ERCC4: variants seen among roughly 807,000 people sequenced by gnomAD.
The protein encoded by ERCC4 is DNA repair endonuclease XPF.
Under a neutral mutation model 76.9 loss-of-function variants are expected in ERCC4, and 65 were observed. The observed-to-expected ratio is 0.84, with a 90% CI of 0.69 to 1.04. The LOEUF (loss-of-function observed/expected upper bound fraction) is 1.04, where lower values mean the gene tolerates loss of function less well. Ranked by LOEUF, ERCC4 falls within the 50% of genes least tolerant of loss-of-function variation. ERCC4 has a pLI of 0.00. For missense variants in ERCC4, 1,214 were observed against 1,128.2 expected (o/e 1.08, Z -1.09); for synonymous variants, 463 against 410.1 (o/e 1.13, Z -1.56).
At chr16:13,921,198 G>C (rs1361339470) in intron 1 of ERCC4, among the ~76,000 whole-genome samples, 1 of 152,134 alleles carries the variant, frequency 6.6e-6, no homozygotes, top group Non-Finnish European at 1.5e-5. Context: ...GGAGGGACCA[G>C]GAAATAGGAC....
chr16:13,926,453 T>G (rs1236080680), intron 2 of ERCC4, 108 bp from the exon 3 acceptor site: 3 of 938,942 alleles, frequency 3.2e-6, no homozygotes, highest in Non-Finnish European at 5.3e-6. Flanking sequence ...ATATGCCCAG[T>G]CTAGAATGGT....
chr16:13,934,406 G>A, intron 7 of ERCC4, 104 bp downstream of exon 7: 1 of 778,582 alleles, frequency 1.3e-6, no homozygotes. Flanking sequence ...GACCAACATG[G>A]TGAAACCCTG....
intron 10 of ERCC4, 45 bp downstream of exon 10, chr16:13,944,880 G>C: frequency 8.1e-7 from 1 of 1,238,002 alleles, no homozygotes; most frequent in Non-Finnish European, 1.2e-6. Flanking sequence ...CTGCAAAGGG[G>C]GCTGTGAAGT....
In ERCC4 at chr16:13,922,072, C is replaced by T. The variant is rs1328502188; in HGVS notation, c.249C>T (p.His83=). The T allele has an allele frequency of 5.0e-6, 8 of 1,613,600 alleles. No individual in the cohort carries two copies. Among genetic ancestry groups the T allele is most frequent in the Non-Finnish European group, 6.8e-6 (8 of 1,179,692 alleles). The change falls in exon 2 of 11, where the codon CAC becomes CAT. Residue 83 remains histidine, a synonymous_variant. Transcript: ENST00000311895. ...INQLKIEGVE[H]LPRRVTNEIT... ...AGCTGAAGATAGAAGGAGTTGAACACCTCCCTCGCCGTGTAACAAATGAAA... is the reference window on the plus strand; with the variant it reads ...AGCTGAAGATAGAAGGAGTTGAACATCTCCCTCGCCGTGTAACAAATGAAA...
At chr16:13,921,857 C>T (rs774963865) in intron 1 of ERCC4, among the ~76,000 whole-genome samples, 174 bp from the exon 2 acceptor site, 2 of 152,034 alleles carry the variant, frequency 1.3e-5, no homozygotes, top group Non-Finnish European at 2.9e-5. Context: ...ACAAGAAAAC[C>T]TCATTAAATG....
In ERCC4 at chr16:13,947,901, C is replaced by T. The variant is rs373135011; in HGVS notation, c.2305C>T (p.Leu769Phe). 1 of 1,614,200 alleles carries T rather than the reference C, an allele frequency of 6.2e-7. No individual in the cohort carries two copies. Among genetic ancestry groups the T allele is most frequent in the Non-Finnish European group, 8.5e-7 (1 of 1,180,040 alleles). ...IEFDPSKPFSLTSRGALFQEI... is the reference protein window; with the variant it reads ...IEFDPSKPFSFTSRGALFQEI... The stretch of plus-strand genomic sequence containing the variant: ...GTTTGACCCTAGCAAGCCTTTCTCT[C>T]TCACTTCCCGAGGTGCCTTGTTTCA... Residue 769 changes from leucine to phenylalanine, a missense_variant, in exon 11 of 11, where the codon CTC (leucine) becomes TTC (phenylalanine). Physicochemically the swap from Leu to Phe is conservative, Grantham distance 22 (BLOSUM62 0). Coordinates refer to ENST00000311895, the MANE Select transcript of ERCC4 (RefSeq NM_005236.3).
chr16:13,926,789 ATTAT>A (rs2032081609), intron 3 of ERCC4, 33 bp downstream of exon 3: 12 of 1,489,796 alleles, frequency 8.1e-6, no homozygotes, highest in Non-Finnish European at 1.1e-5. Context: ...TAATGATGAC[ATTAT>A]TTGTCATCTT....
chr16:13,932,558 A>T, intron 6 of ERCC4: 1 of 548,078 alleles, frequency 1.8e-6, no homozygotes, highest in Non-Finnish European at 3.2e-6. Flanking sequence ...GATCAAAAGT[A>T]TGCTACATGA....
At chr16:13,942,829 G>A (rs1346820559) in intron 9 of ERCC4, among the ~76,000 whole-genome samples, 2 of 152,164 alleles carry the variant, frequency 1.3e-5, no homozygotes, top group Non-Finnish European at 2.9e-5. Context: ...AAACAAAGTG[G>A]GGGACACAAC....
At chr16:13,921,045 C>A (rs763485692) in intron 1 of ERCC4, among the ~76,000 whole-genome samples, 1 of 152,006 alleles carries the variant, frequency 6.6e-6, no homozygotes, top group Admixed American at 6.5e-5. Flanking sequence ...CGGGAGAGTC[C>A]TGAAGTTGGC....
Position 13,932,153 on chromosome 16 carries a change from T to C in ERCC4, c.974-4T>C, listed in dbSNP as rs771718600. 15 of 1,612,686 alleles carry C rather than the reference T, an allele frequency of 9.3e-6. No homozygotes were observed. In the East Asian group the frequency reaches 3.3e-4, roughly 36 times the overall value. ...GCACTTTTTCTTTTAACTTTTCGTA[T>C]TAGGTTGGCTGTTTCTTGACTCCAG... On this transcript the variant is annotated splice_region_variant and splice_polypyrimidine_tract_variant and intron_variant, in intron 5 of 10. Coordinates refer to ENST00000311895, the MANE Select transcript of ERCC4 (RefSeq NM_005236.3).
At chr16:13,930,998 T>C in intron 5 of ERCC4, 108 bp downstream of exon 5, 2 of 752,928 alleles carry the variant, frequency 2.7e-6, no homozygotes, top group South Asian at 3.0e-5. Flanking sequence ...TATGTTATAC[T>C]GAGATTTCAA....
intron 9 of ERCC4, among the ~76,000 whole-genome samples, chr16:13,940,041 C>T (rs534824148): frequency 4.9e-4 from 74 of 152,330 alleles, no homozygotes; most frequent in Non-Finnish European, 8.8e-4. Flanking sequence ...CTAGAACTCA[C>T]ATGAGTCAGA....
Position 13,935,426 on chromosome 16 carries a change from A to G in ERCC4, c.1494A>G (p.Val498=). 1 of 1,613,888 alleles carries G rather than the reference A, an allele frequency of 6.2e-7. No individual in the cohort carries two copies. ...GGAAGTTGACCTTAACTCAAATGGT[A>G]GGAAAACCTGAAGAACTGGAAGAGG... ...KKRKLTLTQM[V]GKPEELEEEG... The change falls in exon 8 of 11, where the codon GTA becomes GTG. Residue 498 remains valine, a synonymous_variant. Coordinates refer to ENST00000311895, the MANE Select transcript of ERCC4 (RefSeq NM_005236.3).
At chr16:13,925,962 A>G (rs1167162738) in intron 2 of ERCC4, among the ~76,000 whole-genome samples, 1 of 152,170 alleles carries the variant, frequency 6.6e-6, no homozygotes, top group Non-Finnish European at 1.5e-5. Context: ...ATGTATAAGT[A>G]TGTCGATTGA....
At chr16:13,944,931 C>A in intron 10 of ERCC4, 96 bp downstream of exon 10, 1 of 794,464 alleles carries the variant, frequency 1.3e-6, no homozygotes, top group Non-Finnish European at 2.2e-6. Flanking sequence ...TATTAACAAA[C>A]TCTTAAAAAT....
rs2032576865 is a variant in ERCC4, at chr16:13,948,878, G to A, written c.*531G>A. On this transcript the variant is annotated 3_prime_UTR_variant, in exon 11 of 11. Transcript: ENST00000311895. ...GACGCTTGAACTGATGTTTGTGTAGGAAATCATGTTCTGACCCTTTGTCTA... is the reference window on the plus strand; with the variant it reads ...GACGCTTGAACTGATGTTTGTGTAGAAAATCATGTTCTGACCCTTTGTCTA... The A allele has an allele frequency of 4.3e-6, 1 of 232,456 alleles. No individual in the cohort carries two copies. The highest frequency in any genetic ancestry group is 8.5e-6 in the Non-Finnish European group (1 of 117,670). 14.4% of individuals were successfully genotyped at this position (232,456 alleles called of 1,614,324 possible).
At chr16:13,938,433 G>A (rs544997955) in intron 9 of ERCC4, among the ~76,000 whole-genome samples, 14 of 152,296 alleles carry the variant, frequency 9.2e-5, no homozygotes, top group African/African-American at 2.4e-4. Context: ...TCCATTTTAC[G>A]AAAGGAAAAT....
chr16:13,927,821 AC>A (rs1374916568), intron 3 of ERCC4, among the ~76,000 whole-genome samples: 1 of 152,118 alleles, frequency 6.6e-6, no homozygotes, highest in Admixed American at 6.5e-5. Flanking sequence ...TAGTTTGCTG[AC>A]CCTTTCCTTA....
Sources: allele counts gnomAD v4.1 joint callset (sites outside exome capture counted in the v4.1 genomes callset), GRCh38; gene constraint gnomAD v4.1.1; transcripts MANE v1.5; gene names NCBI Gene and HGNC (gene_info 2026-07-23, HGNC 2026-07-21).